Variants in FHL3 observed in about 807,000 individuals in gnomAD.
The protein encoded by FHL3 is four and a half LIM domains protein 3.
Under a neutral mutation model 34.3 loss-of-function variants are expected in FHL3, and 21 were observed. The ratio of observed to expected loss-of-function variants is 0.61; its 90% CI spans 0.43 to 0.88. FHL3 has a LOEUF of 0.88. FHL3 is among the 40% of genes least tolerant of loss of function. FHL3 has a pLI of 0.00. For synonymous variants in FHL3, 137 were observed against 144.6 expected (o/e 0.95, Z 0.38); for missense variants, 333 against 373.7 (o/e 0.89, Z 0.90).
At chr1:38,000,969 AAGG>A (rs1646587803) in intron 1 of FHL3, among the ~76,000 whole-genome samples, 3 of 152,152 alleles carry the variant, frequency 2.0e-5, no homozygotes, top group Admixed American at 6.5e-5. Flanking sequence ...GCTCAAGCTG[AAGG>A]AGAAGTCCTC....
intron 3 of FHL3, 96 bp from the exon 4 acceptor site, chr1:37,998,228 G>T: frequency 9.1e-7 from 1 of 1,104,908 alleles, no homozygotes; most frequent in African/African-American, 1.6e-5. Flanking sequence ...CTCTCTCAGC[G>T]TGAGCAGGGT....
In FHL3 at chr1:37,997,325, T is replaced by C. The variant is rs1646543837; in HGVS notation, c.*80A>G. On this transcript the variant is annotated 3_prime_UTR_variant, in exon 6 of 6. Coordinates refer to ENST00000373016, the MANE Select transcript of FHL3 (RefSeq NM_004468.5). This position sits in a 1 kb window ranked among gnomAD's most constrained non-coding sequence, Gnocchi z 4.3. ...ACCCATTTTTTTTGGCGGGGGGAGC[T>C]GAGTCCCAGAGGTGGTTTAGAAAAG... 3.4e-6 allele frequency: 5 copies of C among 1,473,054 alleles called. No individual in the cohort carries two copies. The highest frequency in any genetic ancestry group is 9.1e-7 in the Non-Finnish European group (1 of 1,093,794). The allele number at this position is 1,473,054 out of a possible 1,614,324, so 91.2% of individuals were successfully genotyped here. A position where few individuals can be genotyped will look rare whatever the true frequency, so the allele number is the denominator to read the frequency against.
At chr1:38,001,735 A>AT (rs1646597420) in intron 1 of FHL3, among the ~76,000 whole-genome samples, 1 of 152,138 alleles carries the variant, frequency 6.6e-6, no homozygotes, top group African/African-American at 2.4e-5. Context: ...CTGCACCTCC[A>AT]ACAATCTCCC....
intron 1 of FHL3, among the ~76,000 whole-genome samples, chr1:38,004,096 C>A (rs555301518): frequency 2.6e-4 from 39 of 152,250 alleles, no homozygotes; most frequent in African/African-American, 9.4e-4. Context: ...CAACCCTCAC[C>A]CTCTGCTACC....
chr1:38,004,756 G>A (rs1442449385), intron 1 of FHL3, among the ~76,000 whole-genome samples: 2 of 152,274 alleles, frequency 1.3e-5, no homozygotes, highest in East Asian at 3.9e-4. Context: ...GTCTCTGAGC[G>A]TCTCTGCAGG....
chr1:38,004,743 C>G (rs1039949007), intron 1 of FHL3, among the ~76,000 whole-genome samples: 1 of 152,202 alleles, frequency 6.6e-6, no homozygotes, highest in Non-Finnish European at 1.5e-5. Context: ...GTCTCTGTCT[C>G]TAGTCTCTGA....
rs1478237048 is a variant in FHL3, at chr1:37,998,984, A to G, written c.321T>C (p.Thr107=). 1 of 1,614,014 alleles carries G rather than the reference A, an allele frequency of 6.2e-7. No homozygotes were observed. ...CCCCTGAACACATACCAGGCATGACAGTCTCCCCACAAGCGGAGCACTGCG... is the reference window on the plus strand; with the variant it reads ...CCCCTGAACACATACCAGGCATGACGGTCTCCCCACAAGCGGAGCACTGCG... ...FSSQCSACGE[T]VMPGSRKLEY... is the part of the protein sequence containing the mutation. The change falls in exon 3 of 6, where the codon ACT becomes ACC. Residue 107 remains threonine (T), a synonymous_variant. Transcript: ENST00000373016.
intron 1 of FHL3, among the ~76,000 whole-genome samples, chr1:38,002,308 C>T (rs991232545): frequency 6.6e-6 from 1 of 152,066 alleles, no homozygotes; most frequent in Admixed American, 6.6e-5. Flanking sequence ...CTGTGTTAGT[C>T]AGGATGGTCT....
chr1:38,000,778 G>A (rs1244255849), intron 1 of FHL3, among the ~76,000 whole-genome samples: 1 of 152,108 alleles, frequency 6.6e-6, no homozygotes, highest in African/African-American at 2.4e-5. Flanking sequence ...CCTCCATCAT[G>A]AAGGCTGCTC....
At position 37,997,100 on chromosome 1, in the gene FHL3, G is replaced by A. The variant is rs1033887465; in HGVS notation, c.*305C>T. The A allele has an allele frequency of 3.3e-6, 1 of 299,616 alleles. No individual in the cohort carries two copies. Among genetic ancestry groups the A allele is most frequent in the East Asian group, 6.7e-5 (1 of 14,864 alleles). 18.6% of individuals were successfully genotyped at this position (299,616 alleles called of 1,614,324 possible). A position where few individuals can be genotyped will look rare whatever the true frequency, so the allele number is the denominator to read the frequency against. ...CCCAGAGTCCAGGTTTGGAGGGCTC[G>A]GGTCTAGAGCCCTGATTTGGGGAGA... On this transcript the variant is annotated 3_prime_UTR_variant, in exon 6 of 6. Coordinates refer to ENST00000373016, the MANE Select transcript of FHL3 (RefSeq NM_004468.5). This position sits in a 1 kb window ranked among gnomAD's most constrained non-coding sequence, Gnocchi z 4.3.
rs755072543 is a variant in FHL3, at chr1:37,997,764, C to T, written c.608G>A (p.Arg203Gln). Reference protein sequence around the residue: ...TPLAGQQFTSRDEDPYCVACF... With the variant: ...TPLAGQQFTSQDEDPYCVACF... ...GGCCACACAGTAGGGATCTTCATCCCGGGAGGTGAACTGCTGCCCTGCCAG... is the reference window on the plus strand; with the variant it reads ...GGCCACACAGTAGGGATCTTCATCCTGGGAGGTGAACTGCTGCCCTGCCAG... The change falls in exon 5 of 6, where the codon CGG becomes CAG. Residue 203 changes from arginine (R) to glutamine (Q), a missense_variant. Transcript: ENST00000373016. The surrounding 1 kb of genome is among the most constrained non-coding windows in gnomAD (Gnocchi z 4.3). The T allele has an allele frequency of 2.4e-5, 39 of 1,614,038 alleles. No individual in the cohort carries two copies. Among genetic ancestry groups the T allele is most frequent in the Non-Finnish European group, 3.1e-5 (36 of 1,180,008 alleles).
intron 1 of FHL3, among the ~76,000 whole-genome samples, chr1:38,004,313 C>G (rs1199833114): frequency 6.6e-6 from 1 of 152,020 alleles, no homozygotes; most frequent in Non-Finnish European, 1.5e-5. Flanking sequence ...TGTGTGTGTG[C>G]GTGGGGCTCT....
chr1:38,004,132 C>T, intron 1 of FHL3, among the ~76,000 whole-genome samples: 1 of 152,146 alleles, frequency 6.6e-6, no homozygotes, highest in East Asian at 1.9e-4. Context: ...GCTCTGCTCT[C>T]CCCCATGTGG....
intron 1 of FHL3, among the ~76,000 whole-genome samples, chr1:38,005,071 G>A (rs899378472): frequency 5.3e-5 from 8 of 152,204 alleles, no homozygotes; most frequent in African/African-American, 1.7e-4. Context: ...CTGGTCGGTC[G>A]GTCTGTCTGT....
chr1:38,004,712 G>A (rs1298574194), intron 1 of FHL3, among the ~76,000 whole-genome samples: 4 of 151,930 alleles, frequency 2.6e-5, no homozygotes, highest in Non-Finnish European at 5.9e-5. Flanking sequence ...AGTCTCTTTC[G>A]CCACCTCTGC....
At chr1:38,001,032 T>C (rs764559434) in intron 1 of FHL3, among the ~76,000 whole-genome samples, 4 of 152,196 alleles carry the variant, frequency 2.6e-5, no homozygotes, top group Non-Finnish European at 5.9e-5. Context: ...AGCGCTGCTC[T>C]GGCTTGAAGT....
intron 1 of FHL3, among the ~76,000 whole-genome samples, chr1:38,000,277 C>T (rs996503995): frequency 2.0e-5 from 3 of 152,110 alleles, no homozygotes; most frequent in Admixed American, 6.5e-5. Context: ...AATGAAGTGT[C>T]GGGGGAGGCA....
chr1:37,997,703 G>A lies in FHL3; in HGVS notation c.669C>T (p.Ser223=). 1 of 1,614,144 alleles carries A rather than the reference G, an allele frequency of 6.2e-7. No homozygotes were observed. Among genetic ancestry groups the A allele is most frequent in the South Asian group, 1.1e-5 (1 of 91,090 alleles). ...FGELFAPKCS[S]CKRPIVGLGG... is the part of the protein sequence containing the mutation. ...TCCCACCTACGATGGGGCGCTTGCA[G>A]CTGCTGCACTTAGGTGCAAAGAGTT... The change falls in exon 5 of 6, where the codon AGC becomes AGT. Residue 223 remains serine (S), a synonymous_variant. Transcript: ENST00000373016. The surrounding 1 kb of genome is among the most constrained non-coding windows in gnomAD (Gnocchi z 4.3).
In FHL3 at chr1:37,997,920, C is replaced by T; in HGVS notation, c.501+43G>A. The T allele has an allele frequency of 6.2e-7, 1 of 1,613,830 alleles. No individual in the cohort carries two copies. Among genetic ancestry groups the T allele is most frequent in the Middle Eastern group, 1.7e-4 (1 of 6,058 alleles). On this transcript the variant is annotated intron_variant, in intron 4 of 5. Transcript: ENST00000373016. The surrounding 1 kb of genome is among the most constrained non-coding windows in gnomAD (Gnocchi z 4.3). ...GGTATGAGTGGGGATTCCCACCCCA[C>T]AACAGGCCTCACTCACCCCCACCTG...
Sources: allele counts gnomAD v4.1 joint callset (sites outside exome capture counted in the v4.1 genomes callset), GRCh38; gene constraint gnomAD v4.1.1; non-coding constraint Gnocchi (gnomAD v3.1); transcripts MANE v1.5; gene names NCBI Gene and HGNC (gene_info 2026-07-23, HGNC 2026-07-21).